The following GNAL variants were observed in gnomAD, a reference collection of about 807,000 sequenced individuals.
The protein encoded by GNAL is guanine nucleotide-binding protein G(olf) subunit alpha.
Under a neutral mutation model 55.1 loss-of-function variants are expected in GNAL, and 18 were observed. The ratio of observed to expected loss-of-function variants is 0.33; its 90% CI spans 0.23 to 0.48. GNAL has a LOEUF of 0.48. Among genes scored for constraint, GNAL ranks in the 20% least tolerant of loss-of-function variants. The probability of loss-of-function intolerance (pLI) is 0.99; values close to 1 mark genes in which losing one functional copy is unlikely to be tolerated. For synonymous variants in GNAL, 253 were observed against 237.0 expected (o/e 1.07, Z -0.62); for missense variants, 412 against 614.1 (o/e 0.67, Z 3.48).
chr18:11,759,887 CGT>C (rs1016255430), intron 4 of GNAL, among the ~76,000 whole-genome samples: 1 of 152,108 alleles, frequency 6.6e-6, no homozygotes, highest in Non-Finnish European at 1.5e-5. Context: ...TGTGGGTTTT[CGT>C]GTGTGTGTCT....
intron 4 of GNAL, among the ~76,000 whole-genome samples, chr18:11,812,123 GA>G (rs1212521064): frequency 8.6e-5 from 13 of 151,948 alleles, no homozygotes; most frequent in Non-Finnish European, 1.0e-4. Flanking sequence ...AATTTTGTGG[GA>G]AAAAAAATAC....
chr18:11,831,370 G>A (rs2035379470), intron 5 of GNAL, among the ~76,000 whole-genome samples: 1 of 151,976 alleles, frequency 6.6e-6, no homozygotes, highest in South Asian at 2.1e-4. Flanking sequence ...TATAAGGCCT[G>A]CTTCTTCATA....
chr18:11,872,768 C>T (rs186522672), intron 10 of GNAL, among the ~76,000 whole-genome samples: 1 of 152,308 alleles, frequency 6.6e-6, no homozygotes, highest in Admixed American at 6.5e-5. Flanking sequence ...GATGACCCTG[C>T]ATGGTAGTTT....
intron 1 of GNAL, among the ~76,000 whole-genome samples, chr18:11,736,004 T>G (rs2032454953): frequency 6.6e-6 from 1 of 152,218 alleles, no homozygotes; most frequent in African/African-American, 2.4e-5. Context: ...AGTTTACTAC[T>G]CTCTGTCTTG....
Position 11,689,815 on chromosome 18 carries a change from G to A in GNAL, c.252G>A (p.Glu84=), listed in dbSNP as rs370118361. 3,639 of 1,537,772 alleles carry A rather than the reference G, an allele frequency of 2.4e-3. 9 individuals carry two copies. The highest frequency in any genetic ancestry group is 3.3e-3 in the South Asian group (271 of 83,108). The part of the protein sequence containing the change: ...KRQRTEQLSA[E]EREAAKEREA... The stretch of plus-strand genomic sequence containing the variant: ...AGCGCACCGAGCAGCTGAGTGCCGA[G>A]GAGCGCGAGGCGGCCAAGGAGCGCG... Residue 84 remains glutamate (E), a synonymous_variant, in exon 1 of 12, where the codon GAG becomes GAA. Coordinates refer to ENST00000334049, the MANE Select transcript of GNAL (RefSeq NM_182978.4).
intron 5 of GNAL, among the ~76,000 whole-genome samples, chr18:11,837,974 A>G (rs1454042007): frequency 6.6e-6 from 1 of 151,998 alleles, no homozygotes; most frequent in Non-Finnish European, 1.5e-5. Context: ...ATCCCTTCTT[A>G]CGAAAAATTA....
chr18:11,854,640 G>A (rs1181257363), intron 5 of GNAL, among the ~76,000 whole-genome samples: 1 of 152,062 alleles, frequency 6.6e-6, no homozygotes, highest in African/African-American at 2.4e-5. Flanking sequence ...AATTAGCTGG[G>A]CGTGGTGCTG....
chr18:11,706,300 T>C (rs2031709688), intron 1 of GNAL, among the ~76,000 whole-genome samples: 1 of 152,168 alleles, frequency 6.6e-6, no homozygotes, highest in Non-Finnish European at 1.5e-5. Context: ...CTATATCTAT[T>C]AAATGTGCAA....
At chr18:11,878,584 G>A (rs2036585745) in intron 11 of GNAL, among the ~76,000 whole-genome samples, 2 of 151,984 alleles carry the variant, frequency 1.3e-5, no homozygotes, top group Non-Finnish European at 2.9e-5. Flanking sequence ...TTGTTTATTT[G>A]GGACATTGCT....
rs1347398418 is a variant in GNAL at position 11,867,151 on chromosome 18, C to G, written c.852-17C>G. On this transcript the variant is annotated splice_polypyrimidine_tract_variant and intron_variant, in intron 7 of 11. Coordinates refer to ENST00000334049, the MANE Select transcript of GNAL (RefSeq NM_182978.4). ...CTGCTTCCCCCAAATAATTGTGTTC[C>G]TCTTGCTCTTCCACAGCATGTTTGA... The G allele has an allele frequency of 1.3e-6, 2 of 1,598,878 alleles. No homozygotes were observed. Among genetic ancestry groups the G allele is most frequent in the Non-Finnish European group, 1.7e-6 (2 of 1,166,150 alleles).
chr18:11,724,691 C>T (rs577400576), intron 1 of GNAL, among the ~76,000 whole-genome samples: 106 of 152,312 alleles, frequency 7.0e-4, no homozygotes, highest in African/African-American at 2.3e-3. Flanking sequence ...GGCCCAGTCA[C>T]GACTAGCCAC....
Position 11,868,970 on chromosome 18 carries a change from G to A in GNAL, c.1031+307G>A, listed in dbSNP as rs944044080. 6.6e-6 allele frequency among the ~76,000 whole-genome samples: 1 copy of A among 151,904 alleles called. No homozygotes were observed. The highest frequency in any genetic ancestry group is 2.4e-5 in the African/African-American group (1 of 41,336). The stretch of plus-strand genomic sequence containing the variant: ...TGCAATGAGCTGAGATCACACTACT[G>A]CACTCCTGCCTGGGCAACAGAGCAA... On this transcript the variant is annotated intron_variant, in intron 9 of 11. Coordinates refer to ENST00000334049, the MANE Select transcript of GNAL (RefSeq NM_182978.4). The surrounding 1 kb of genome is among the most constrained non-coding windows in gnomAD (Gnocchi z 4.0).
intron 1 of GNAL, among the ~76,000 whole-genome samples, chr18:11,713,961 T>A (rs201194800): frequency 6.6e-6 from 1 of 152,242 alleles, no homozygotes; most frequent in East Asian, 1.9e-4. Context: ...TAACACCTTC[T>A]CTGTCCTTGA....
chr18:11,824,251 C>A (rs1167592298), intron 4 of GNAL, among the ~76,000 whole-genome samples: 1 of 49,654 alleles, frequency 2.0e-5, no homozygotes, highest in African/African-American at 5.1e-5. Context: ...ATGTTTTTTT[C>A]ATGGCTGAGA....
intron 4 of GNAL, among the ~76,000 whole-genome samples, chr18:11,800,982 G>T (rs2034506919): frequency 6.6e-6 from 1 of 152,154 alleles, no homozygotes; most frequent in African/African-American, 2.4e-5. Context: ...ACAAATAATT[G>T]ATATGAATTT....
chr18:11,771,487 T>C (rs2033633944), intron 4 of GNAL, among the ~76,000 whole-genome samples: 1 of 152,168 alleles, frequency 6.6e-6, no homozygotes, highest in Admixed American at 6.5e-5. Flanking sequence ...CTAAGCTGAA[T>C]TGTGTACACC....
At chr18:11,835,468 A>G (rs1329165428) in intron 5 of GNAL, among the ~76,000 whole-genome samples, 2 of 149,376 alleles carry the variant, frequency 1.3e-5, no homozygotes, top group African/African-American at 4.9e-5. Flanking sequence ...CTCTAAAAAG[A>G]AAAAAAAAAG....
At chr18:11,796,600 A>AAAAAAC (rs1210327904) in intron 4 of GNAL, among the ~76,000 whole-genome samples, 8 of 149,876 alleles carry the variant, frequency 5.3e-5, no homozygotes, top group African/African-American at 1.2e-4. Flanking sequence ...AAAAAACAAA[A>AAAAAAC]CACGCAACCT....
At chr18:11,800,620 G>C (rs72867032) in intron 4 of GNAL, among the ~76,000 whole-genome samples, 17,150 of 152,162 alleles carry the variant, frequency 0.11, 1,305 homozygotes, top group East Asian at 0.32. Context: ...GGCCCAGGTT[G>C]AATTTGTTCT....
Sources: allele counts gnomAD v4.1 joint callset (sites outside exome capture counted in the v4.1 genomes callset), GRCh38; gene constraint gnomAD v4.1.1; non-coding constraint Gnocchi (gnomAD v3.1); transcripts MANE v1.5; gene names NCBI Gene and HGNC (gene_info 2026-07-23, HGNC 2026-07-21).